The following GRIK4 variants were observed in gnomAD, a reference collection of about 807,000 sequenced individuals.
GRIK4 encodes glutamate ionotropic receptor kainate type subunit 4, also known as glutamate receptor ionotropic, kainate 4.
Under a neutral mutation model 104.9 loss-of-function variants are expected in GRIK4, and 40 were observed. That is an observed-to-expected ratio of 0.38 (90% CI 0.30 to 0.50). The LOEUF (loss-of-function observed/expected upper bound fraction) is 0.50. Among genes scored for constraint, GRIK4 ranks in the 20% least tolerant of loss-of-function variants. The probability of loss-of-function intolerance (pLI) is 0.93; values close to 1 mark genes in which losing one functional copy is unlikely to be tolerated. For missense variants in GRIK4, 1,047 were observed against 1,308.1 expected, an observed-to-expected ratio of 0.80 and a Z score of 3.08; for synonymous variants, 485 against 524.9, an observed-to-expected ratio of 0.92 and a Z score of 1.04.
At position 120,879,060 on chromosome 11, in the gene GRIK4, C is replaced by T. The variant is rs761915048; in HGVS notation, c.1164+3817C>T. On this transcript the variant is annotated intron_variant, in intron 11 of 20. Transcript: ENST00000527524. ...CAGCCCTTCAAGGCAGATAAATTCC[C>T]ATTTCACCAATAAGAATATGGGAGC... 1.2e-3 allele frequency among the ~76,000 whole-genome samples: 177 copies of T among 152,218 alleles called. 6 individuals carry two copies. Among genetic ancestry groups the T allele is most frequent in the Non-Finnish European group, 4.6e-4 (31 of 68,044 alleles).
At position 120,986,167 on chromosome 11, in the gene GRIK4, C is replaced by G; in HGVS notation, c.2778C>G (p.Arg926=). ...CTHIRVCPEC[R]RFQGLRARPS... is the part of the protein sequence containing the mutation. Reference sequence around the variant, plus strand: ...ACATCCGCGTCTGCCCCGAGTGCCGCCGCTTCCAGGGCCTGCGGGCACGGC... The same window carrying G: ...ACATCCGCGTCTGCCCCGAGTGCCGGCGCTTCCAGGGCCTGCGGGCACGGC... The change falls in exon 21 of 21, where the codon CGC becomes CGG. Residue 926 remains arginine (R), a synonymous_variant. Coordinates refer to ENST00000527524, the MANE Select transcript of GRIK4 (RefSeq NM_014619.5). 2 of 1,551,678 alleles carry G rather than the reference C, an allele frequency of 1.3e-6. No homozygotes were observed. Among genetic ancestry groups the G allele is most frequent in the South Asian group, 2.3e-5 (2 of 85,840 alleles).
At chr11:120,621,240 C>G (rs1326266271) in intron 1 of GRIK4, among the ~76,000 whole-genome samples, 1 of 152,156 alleles carries the variant, frequency 6.6e-6, no homozygotes, top group Non-Finnish European at 1.5e-5. Flanking sequence ...ATCTTGACAA[C>G]CTTCTCCTTA....
chr11:120,559,510 T>C (rs1465321873), intron 1 of GRIK4, among the ~76,000 whole-genome samples: 1 of 152,210 alleles, frequency 6.6e-6, no homozygotes, highest in Admixed American at 6.5e-5. Context: ...CACCAAAACA[T>C]TAACAAAAAT....
chr11:120,771,889 G>A (rs1951949314), intron 3 of GRIK4, among the ~76,000 whole-genome samples: 1 of 152,252 alleles, frequency 6.6e-6, no homozygotes, highest in Non-Finnish European at 1.5e-5. Flanking sequence ...TCACCATGGA[G>A]AACCCCCACT....
chr11:120,776,320 T>C (rs182324752), intron 3 of GRIK4, among the ~76,000 whole-genome samples: 1 of 152,198 alleles, frequency 6.6e-6, no homozygotes, highest in Non-Finnish European at 1.5e-5. Flanking sequence ...GGAAGGGCTG[T>C]GTCTGCCCTC....
intron 3 of GRIK4, among the ~76,000 whole-genome samples, chr11:120,682,386 G>C (rs1950207806): frequency 6.6e-6 from 1 of 152,192 alleles, no homozygotes; most frequent in Non-Finnish European, 1.5e-5. Flanking sequence ...GTCCTTCAAA[G>C]AGGAGACACA....
At chr11:120,691,050 A>G (rs1251663877) in intron 3 of GRIK4, among the ~76,000 whole-genome samples, 2 of 152,224 alleles carry the variant, frequency 1.3e-5, no homozygotes, top group African/African-American at 4.8e-5. Flanking sequence ...AAGAAAGCCA[A>G]AATTCCATAA....
intron 3 of GRIK4, among the ~76,000 whole-genome samples, chr11:120,672,644 C>T (rs1950039471): frequency 6.6e-6 from 1 of 152,186 alleles, no homozygotes; most frequent in South Asian, 2.1e-4. Context: ...AGGTCCTTCA[C>T]ATCCCTCTAA....
At chr11:120,969,331 G>T (rs528517233) in intron 19 of GRIK4, among the ~76,000 whole-genome samples, 1 of 152,266 alleles carries the variant, frequency 6.6e-6, no homozygotes, top group East Asian at 1.9e-4. Context: ...GAATGAACTG[G>T]ATTTTGAAGA....
chr11:120,739,610 A>AT (rs1951291168), intron 3 of GRIK4, among the ~76,000 whole-genome samples: 1 of 152,208 alleles, frequency 6.6e-6, no homozygotes, highest in Admixed American at 6.5e-5. Context: ...TTTCTCTGTC[A>AT]TTCTGTGTTT....
At chr11:120,777,855 T>C (rs539166202) in intron 3 of GRIK4, among the ~76,000 whole-genome samples, 2 of 150,508 alleles carry the variant, frequency 1.3e-5, no homozygotes, top group Admixed American at 1.3e-4. Context: ...GAGAATAGCT[T>C]GAACTTGGGA....
intron 3 of GRIK4, among the ~76,000 whole-genome samples, chr11:120,716,358 C>T (rs1032788180): frequency 1.3e-5 from 2 of 152,164 alleles, no homozygotes; most frequent in East Asian, 1.9e-4. Flanking sequence ...ATCCTCCCCC[C>T]TCAGCCTCCC....
intron 13 of GRIK4, among the ~76,000 whole-genome samples, chr11:120,911,740 G>A (rs1428292032): frequency 2.7e-5 from 4 of 150,280 alleles, no homozygotes; most frequent in Admixed American, 2.6e-4. Context: ...TACTCAGGAG[G>A]CTGAAGCAGG....
chr11:120,833,540 T>C (rs769167708), intron 7 of GRIK4, among the ~76,000 whole-genome samples: 98 of 152,314 alleles, frequency 6.4e-4, no homozygotes, highest in Non-Finnish European at 1.2e-3. Flanking sequence ...AGGTTCCCCC[T>C]GTGGTAGCTG....
intron 3 of GRIK4, among the ~76,000 whole-genome samples, chr11:120,745,255 C>T (rs991374699): frequency 1.3e-5 from 2 of 152,216 alleles, no homozygotes; most frequent in Non-Finnish European, 2.9e-5. Flanking sequence ...GATTCTGCCT[C>T]TCTCTCGCCT....
chr11:120,862,858 C>T (rs930040495), intron 9 of GRIK4, among the ~76,000 whole-genome samples: 1 of 152,224 alleles, frequency 6.6e-6, no homozygotes, highest in African/African-American at 2.4e-5. Flanking sequence ...ATGCCCTGTC[C>T]TAGCCCCATT....
intron 20 of GRIK4, among the ~76,000 whole-genome samples, chr11:120,984,820 CT>C (rs569201252): frequency 0.16 from 19,004 of 115,748 alleles, 1,202 homozygotes; most frequent in Middle Eastern, 0.25. Context: ...CATCTATATT[CT>C]TTTTTTTTTT....
At chr11:120,534,856 G>A (rs1399526003) in intron 1 of GRIK4, among the ~76,000 whole-genome samples, 3 of 152,160 alleles carry the variant, frequency 2.0e-5, no homozygotes, top group African/African-American at 7.2e-5. Flanking sequence ...TTCCCAATGG[G>A]GGACACTCAG....
intron 3 of GRIK4, among the ~76,000 whole-genome samples, chr11:120,783,129 C>A (rs916980260): frequency 2.6e-5 from 4 of 152,154 alleles, no homozygotes; most frequent in Non-Finnish European, 4.4e-5. Context: ...AGACAGCAGC[C>A]CCCCCACAGA....
Sources: gnomAD v4.1 joint callset for allele counts (sites outside exome capture counted in the v4.1 genomes callset) on GRCh38, gnomAD v4.1.1 for gene constraint, MANE v1.5 for transcripts, NCBI Gene and HGNC (gene_info 2026-07-23, HGNC 2026-07-21) for gene names.